Variants in ANK2 observed in about 807,000 individuals in gnomAD.
The protein encoded by ANK2 is ankyrin-2.
In ANK2, 83 loss-of-function variants were observed where a neutral mutation model predicts 360.5. That is an observed-to-expected ratio of 0.23 (90% CI 0.19 to 0.28). ANK2 has a LOEUF of 0.28. Among genes scored for constraint, ANK2 ranks in the 10% least tolerant of loss-of-function variants. ANK2 has a pLI of 1.00. For synonymous variants in ANK2, 1,740 were observed against 1,759.5 expected, an observed-to-expected ratio of 0.99 and a Z score of 0.28; for missense variants, 4,201 against 4,795.7, an observed-to-expected ratio of 0.88 and a Z score of 3.66.
At chr4:112,945,876 C>G (rs528363292) in intron 2 of ANK2, among the ~76,000 whole-genome samples, 1 of 152,264 alleles carries the variant, frequency 6.6e-6, no homozygotes, top group African/African-American at 2.4e-5. Flanking sequence ...CCTCTGACAT[C>G]AAAGTGCATG....
At chr4:113,381,409 C>T in intron 45 of ANK2, 48 bp from the exon 46 acceptor site, 1 of 1,609,178 alleles carries the variant, frequency 6.2e-7, no homozygotes, top group Non-Finnish European at 8.5e-7. Flanking sequence ...AACAGCTGCC[C>T]TCTGGCAGTG....
At chr4:113,202,541 AC>A in intron 4 of ANK2, among the ~76,000 whole-genome samples, 1 of 152,262 alleles carries the variant, frequency 6.6e-6, no homozygotes, top group African/African-American at 2.4e-5. Context: ...AATTATAGGA[AC>A]ATTGGCAGCT....
chr4:113,249,821 C>A lies in ANK2; in HGVS notation c.949C>A (p.Leu317Ile). The A allele has an allele frequency of 6.2e-7, 1 of 1,614,196 alleles. No homozygotes were observed. ...AAGTGGGCATGACCAAGTGGTGGAA[C>A]TTCTGTTGGAACGGGGTGCCCCCTT... ...ARSGHDQVVE[L>I]LLERGAPLLA... The change falls in exon 10 of 46, where the codon CTT becomes ATT. Residue 317 changes from leucine (L) to isoleucine (I), a missense_variant. Leu to Ile is a conservative substitution (Grantham distance 5). Coordinates refer to ENST00000357077, the MANE Select transcript of ANK2 (RefSeq NM_001148.6).
At chr4:113,306,070 A>G (rs1014946472) in intron 23 of ANK2, among the ~76,000 whole-genome samples, 2 of 152,334 alleles carry the variant, frequency 1.3e-5, no homozygotes, top group Non-Finnish European at 2.9e-5. Context: ...AATGAATATG[A>G]TGTTATTGTG....
At chr4:112,902,757 G>C (rs1316504779) in intron 1 of ANK2, among the ~76,000 whole-genome samples, 2 of 152,168 alleles carry the variant, frequency 1.3e-5, no homozygotes, top group Non-Finnish European at 2.9e-5. Flanking sequence ...TAAAAACAGG[G>C]TTGTGATTTC....
Position 113,174,397 on chromosome 4 carries a change from T to G in ANK2, c.85-19T>G, listed in dbSNP as rs369019700. ...TATTTCATCAATAGTTCATTAAAGG[T>G]CTTTTATTTTTCTCGCAGTCTGACA... On this transcript the variant is annotated intron_variant, in intron 1 of 45. Coordinates refer to ENST00000357077, the MANE Select transcript of ANK2 (RefSeq NM_001148.6). 1.3e-6 allele frequency: 2 copies of G among 1,586,100 alleles called. No individual in the cohort carries two copies. The highest frequency in any genetic ancestry group is 1.7e-6 in the Non-Finnish European group (2 of 1,157,716).
intron 1 of ANK2, among the ~76,000 whole-genome samples, chr4:113,075,351 A>G (rs2079480143): frequency 6.6e-6 from 1 of 152,224 alleles, no homozygotes; most frequent in Admixed American, 6.5e-5. Context: ...TGTGATTAAT[A>G]CATCTAAATA....
intron 2 of ANK2, among the ~76,000 whole-genome samples, chr4:113,181,670 A>G (rs2098417612): frequency 6.6e-6 from 1 of 152,080 alleles, no homozygotes; most frequent in Admixed American, 6.6e-5. Flanking sequence ...AGAAAACCTA[A>G]AGAAATTGAG....
At chr4:113,096,616 A>G (rs1339165529) in intron 1 of ANK2, among the ~76,000 whole-genome samples, 1 of 152,200 alleles carries the variant, frequency 6.6e-6, no homozygotes, top group Non-Finnish European at 1.5e-5. Flanking sequence ...TGGTCATCAC[A>G]TAGTTACATG....
intron 4 of ANK2, among the ~76,000 whole-genome samples, chr4:113,215,281 G>A (rs2099073251): frequency 6.6e-6 from 1 of 152,050 alleles, no homozygotes; most frequent in African/African-American, 2.4e-5. Flanking sequence ...ACCTCTTAGC[G>A]ACTCCATTCC....
rs143426516 is a variant in ANK2, at chr4:112,827,330, A to G, written c.-40+9066A>G. 1.3e-4 allele frequency: 153 copies of G among 1,199,032 alleles called. No individual in the cohort carries two copies. In the African/African-American group the frequency reaches 2.0e-3, roughly 16 times the overall value. The allele number at this position is 1,199,032 out of a possible 1,614,324, so 74.3% of individuals were successfully genotyped here. A position where few individuals can be genotyped will look rare whatever the true frequency, so the allele number is the denominator to read the frequency against. Reference sequence around the variant, plus strand: ...CAGCTGAGATTAAAGCAGAAAGCCAATGAGTTACAGCAACTGGAACTTGAA... The same window carrying G: ...CAGCTGAGATTAAAGCAGAAAGCCAGTGAGTTACAGCAACTGGAACTTGAA... On this transcript the variant is annotated intron_variant, in intron 1 of 30. Transcript: ENST00000503271.
At chr4:113,373,730 AG>A (rs1362358280) in intron 45 of ANK2, 36 of 568,340 alleles carry the variant, frequency 6.3e-5, no homozygotes, top group African/African-American at 5.0e-4. Flanking sequence ...GAAATCCAAA[AG>A]TCAAATTTTG....
At chr4:113,218,221 A>T (rs1003820994) in intron 4 of ANK2, among the ~76,000 whole-genome samples, 8 of 152,234 alleles carry the variant, frequency 5.3e-5, no homozygotes, top group Admixed American at 4.6e-4. Context: ...ATTATTTTCA[A>T]AACTGTTAAT....
chr4:113,343,623 A>C (rs1293166664), intron 34 of ANK2, among the ~76,000 whole-genome samples: 2 of 152,222 alleles, frequency 1.3e-5, no homozygotes, highest in Non-Finnish European at 2.9e-5. Context: ...AAATTCATTC[A>C]ATAAACAGCA....
At chr4:113,316,620 A>T (rs991944349) in intron 24 of ANK2, among the ~76,000 whole-genome samples, 5 of 152,236 alleles carry the variant, frequency 3.3e-5, no homozygotes, top group African/African-American at 1.2e-4. Context: ...AAGCTTGCGT[A>T]TCTCCTTTTT....
At chr4:112,949,657 C>A (rs2154251821) in intron 2 of ANK2, among the ~76,000 whole-genome samples, 1 of 152,202 alleles carries the variant, frequency 6.6e-6, no homozygotes, top group South Asian at 2.1e-4. Context: ...GTACCACACA[C>A]AAAAATAAAT....
chr4:112,904,879 G>A (rs2084678435), intron 2 of ANK2, among the ~76,000 whole-genome samples: 1 of 152,072 alleles, frequency 6.6e-6, no homozygotes, highest in African/African-American at 2.4e-5. Flanking sequence ...TTATGAATTT[G>A]TTTTCTGTGA....
chr4:112,961,807 T>C (rs17045161), intron 2 of ANK2, among the ~76,000 whole-genome samples: 3,496 of 152,216 alleles, frequency 0.023, 114 homozygotes, highest in African/African-American at 0.076. Context: ...TCAAAATAAT[T>C]ACAGTGGTTC....
chr4:112,967,826 A>C (rs188097035), intron 2 of ANK2, among the ~76,000 whole-genome samples: 3 of 152,316 alleles, frequency 2.0e-5, no homozygotes, highest in Non-Finnish European at 1.5e-5. Context: ...GCTTATTTTA[A>C]TATTTAATCA....
Sources: gnomAD v4.1 joint callset for allele counts (sites outside exome capture counted in the v4.1 genomes callset) on GRCh38, gnomAD v4.1.1 for gene constraint, MANE v1.5 for transcripts, NCBI Gene and HGNC (gene_info 2026-07-23, HGNC 2026-07-21) for gene names.